The following SLC17A5 variants were observed in gnomAD, a reference collection of about 807,000 sequenced individuals.
SLC17A5 encodes the protein solute carrier family 17 member 5.
Under a neutral mutation model 59.4 loss-of-function variants are expected in SLC17A5, and 47 were observed. The ratio of observed to expected loss-of-function variants is 0.79; its 90% confidence interval spans 0.63 to 1.01. SLC17A5 has a LOEUF of 1.01. Among genes scored for constraint, SLC17A5 ranks in the 50% least tolerant of loss-of-function variants. SLC17A5 has a pLI of 0.00. For synonymous variants in SLC17A5, 202 were observed against 210.7 expected, an observed-to-expected ratio of 0.96 and a Z score of 0.36; for missense variants, 522 against 595.5, an observed-to-expected ratio of 0.88 and a Z score of 1.28.
intron 6 of SLC17A5, among the ~76,000 whole-genome samples, chr6:73,632,434 CTTTTTTTTTT>C (rs1163170650): frequency 1.2e-5 from 1 of 86,766 alleles, no homozygotes; most frequent in African/African-American, 4.1e-5. Context: ...GTAGAGAAAG[CTTTTTTTTTT>C]TTTTTTTTTT....
intron 6 of SLC17A5, among the ~76,000 whole-genome samples, chr6:73,634,304 C>T (rs1272359835): frequency 1.3e-5 from 2 of 152,154 alleles, no homozygotes; most frequent in African/African-American, 4.8e-5. Context: ...AGATACAGGT[C>T]CAATATCCCT....
chr6:73,607,531 G>C (rs1767447664), intron 9 of SLC17A5, among the ~76,000 whole-genome samples: 1 of 152,044 alleles, frequency 6.6e-6, no homozygotes, highest in Non-Finnish European at 1.5e-5. Flanking sequence ...CTCCCAAAGT[G>C]CCGGGATTAC....
At position 73,615,433 on chromosome 6, in the gene SLC17A5, A is replaced by G; in HGVS notation, c.993T>C (p.Ser331=). The part of the protein sequence containing the change: ...RFNVQENGFL[S]SLPYLGSWLC... ...ACCAAGAGCCTAAATAAGGCAATGA[A>G]GATAAAAACCCATTCTGGAAGGAAT... Residue 331 remains serine (S), a synonymous_variant, in exon 8 of 11, where the codon TCT becomes TCC. Transcript: ENST00000355773. 1.2e-6 allele frequency: 2 copies of G among 1,614,112 alleles called. No individual in the cohort carries two copies. Among genetic ancestry groups the G allele is most frequent in the Middle Eastern group, 3.3e-4 (2 of 6,060 alleles).
chr6:73,600,307 C>T, intron 10 of SLC17A5, 44 bp downstream of exon 10: 5 of 1,355,404 alleles, frequency 3.7e-6, no homozygotes, highest in Non-Finnish European at 5.3e-6. Context: ...CACAGATGTG[C>T]AGCTCCAAAA....
intron 2 of SLC17A5, among the ~76,000 whole-genome samples, chr6:73,643,295 G>A (rs926723559): frequency 3.3e-5 from 5 of 150,880 alleles, no homozygotes; most frequent in African/African-American, 4.9e-5. Context: ...CGAGTAGCTG[G>A]GACCACAGGC....
chr6:73,614,523 T>C (rs1581965430), intron 8 of SLC17A5, among the ~76,000 whole-genome samples: 1 of 152,220 alleles, frequency 6.6e-6, no homozygotes, highest in Non-Finnish European at 1.5e-5. Flanking sequence ...TTTTGTATGC[T>C]AATGAGACAA....
intron 6 of SLC17A5, among the ~76,000 whole-genome samples, chr6:73,631,035 A>C (rs1165059181): frequency 1.3e-5 from 2 of 150,102 alleles, no homozygotes; most frequent in Non-Finnish European, 1.5e-5. Context: ...AAAAAGAGCA[A>C]AACTCTGTCT....
At chr6:73,627,983 C>T (rs1413873727) in intron 6 of SLC17A5, among the ~76,000 whole-genome samples, 2 of 151,096 alleles carry the variant, frequency 1.3e-5, no homozygotes, top group Non-Finnish European at 2.9e-5. Flanking sequence ...TGCAGAGGCG[C>T]GATCACGGCT....
chr6:73,644,700 G>A (rs1393519541), intron 1 of SLC17A5, 97 bp from the exon 2 acceptor site: 2 of 1,182,782 alleles, frequency 1.7e-6, no homozygotes, highest in East Asian at 5.2e-5. Context: ...TTGAACTCCT[G>A]GGCTCAAGCC....
At chr6:73,653,528 G>A in intron 1 of SLC17A5, 1 of 764,494 alleles carries the variant, frequency 1.3e-6, no homozygotes, top group Non-Finnish European at 1.5e-6. Context: ...CCCCGCCCCC[G>A]CCCGGTGGGG....
Position 73,653,984 on chromosome 6 carries a change from G to C in SLC17A5, c.-98C>G, listed in dbSNP as rs1562004339. 1.7e-6 allele frequency: 2 copies of C among 1,145,260 alleles called. No homozygotes were observed. The highest frequency in any genetic ancestry group is 2.7e-5 in the South Asian group (2 of 74,328). 70.9% of individuals were successfully genotyped at this position (1,145,260 alleles called of 1,614,324 possible). A position where few individuals can be genotyped will look rare whatever the true frequency, so the allele number is the denominator to read the frequency against. ...GGGCCGAGCTGGCTGGACCGGGCGG[G>C]GCGGGGGCGATGACACCGCCCCGCG... On this transcript the variant is annotated 5_prime_UTR_variant, in exon 1 of 11. Transcript: ENST00000355773.
intron 8 of SLC17A5, among the ~76,000 whole-genome samples, chr6:73,614,656 G>A (rs1432615537): frequency 3.3e-5 from 5 of 152,112 alleles, no homozygotes; most frequent in African/African-American, 9.7e-5. Context: ...AGTCACCAAT[G>A]GCCAATGATT....
chr6:73,643,136 AATTTATTTATTT>A (rs199849471), intron 2 of SLC17A5, among the ~76,000 whole-genome samples: 26 of 151,330 alleles, frequency 1.7e-4, no homozygotes, highest in African/African-American at 5.8e-4. Context: ...AATGGGTGAA[AATTTATTTATTT>A]ATTTATTTAT....
intron 1 of SLC17A5, among the ~76,000 whole-genome samples, chr6:73,647,983 C>T (rs886530440): frequency 1.6e-4 from 25 of 152,150 alleles, no homozygotes; most frequent in African/African-American, 5.5e-4. Flanking sequence ...GCAGGAGACT[C>T]GCTTGAACCT....
At chr6:73,631,083 G>A (rs188094734) in intron 6 of SLC17A5, among the ~76,000 whole-genome samples, 58 of 151,048 alleles carry the variant, frequency 3.8e-4, no homozygotes, top group Non-Finnish European at 6.5e-4. Context: ...AAGCAGTCCT[G>A]GGCTGCGGTA....
At chr6:73,641,503 G>T (rs1379006731) in intron 3 of SLC17A5, among the ~76,000 whole-genome samples, 188 bp downstream of exon 3, 2 of 152,152 alleles carry the variant, frequency 1.3e-5, no homozygotes, top group Admixed American at 1.3e-4. Context: ...GCTCCTACTA[G>T]AGACCTCATT....
At chr6:73,629,480 AAAG>A (rs1242041161) in intron 6 of SLC17A5, among the ~76,000 whole-genome samples, 3 of 151,916 alleles carry the variant, frequency 2.0e-5, no homozygotes, top group East Asian at 3.9e-4. Flanking sequence ...GGAATTAAGA[AAAG>A]AAGAAGAAGC....
chr6:73,629,072 GAGA>G (rs1768568199), intron 6 of SLC17A5, among the ~76,000 whole-genome samples: 4 of 152,124 alleles, frequency 2.6e-5, no homozygotes, highest in African/African-American at 9.7e-5. Flanking sequence ...AGGCATAAAG[GAGA>G]AGTAAAACAG....
At chr6:73,607,387 C>T (rs1443589896) in intron 9 of SLC17A5, among the ~76,000 whole-genome samples, 1 of 151,624 alleles carries the variant, frequency 6.6e-6, no homozygotes, top group Non-Finnish European at 1.5e-5. Context: ...TCTGCCTCAT[C>T]CTTCCAAGTA....
Sources: gnomAD v4.1 joint callset for allele counts (sites outside exome capture counted in the v4.1 genomes callset) on GRCh38, gnomAD v4.1.1 for gene constraint, MANE v1.5 for transcripts, NCBI Gene and HGNC (gene_info 2026-07-23, HGNC 2026-07-21) for gene names.